PRKD1: variants seen among roughly 807,000 people sequenced by gnomAD.
PRKD1 encodes protein kinase D1, also known as serine/threonine-protein kinase D1.
Under a neutral mutation model 95.9 loss-of-function variants are expected in PRKD1, and 63 were observed. The ratio of observed to expected loss-of-function variants is 0.66; its 90% CI spans 0.54 to 0.81. The LOEUF (loss-of-function observed/expected upper bound fraction) is 0.81, where lower values mean the gene tolerates loss of function less well. PRKD1 is among the 30% of genes least tolerant of loss of function. The pLI, the probability that PRKD1 is intolerant of heterozygous loss-of-function variation, is 0.00. For missense variants in PRKD1, 1,048 were observed against 1,165.3 expected, an observed-to-expected ratio of 0.90 and a Z score of 1.47; for synonymous variants, 425 against 423.1, an observed-to-expected ratio of 1.00 and a Z score of -0.05.
chr14:29,819,145 G>A lies in PRKD1; in HGVS notation c.265-93471C>T, dbSNP rs182091663. Among the ~76,000 whole-genome samples the A allele has an allele frequency of 2.2e-3, 339 of 152,226 alleles. 1 individual carries two copies. The highest frequency in any genetic ancestry group is 7.7e-3 in the African/African-American group (318 of 41,528). Reference sequence around the variant, plus strand: ...CCAAGGCTGTATCCTGTACTGGAAGGAAAAATATAATCTAAAGGAAGTTAT... The same window carrying A: ...CCAAGGCTGTATCCTGTACTGGAAGAAAAAATATAATCTAAAGGAAGTTAT... On this transcript the variant is annotated intron_variant, in intron 1 of 17. Coordinates refer to ENST00000331968, the MANE Select transcript of PRKD1 (RefSeq NM_002742.3).
intron 1 of PRKD1, among the ~76,000 whole-genome samples, chr14:29,871,402 A>T (rs1183759349): frequency 6.6e-6 from 1 of 152,210 alleles, no homozygotes; most frequent in South Asian, 2.1e-4. Flanking sequence ...TTCTGTGATC[A>T]CCATCTGCCA....
At chr14:29,890,202 T>C (rs1156810561) in intron 1 of PRKD1, among the ~76,000 whole-genome samples, 1 of 152,240 alleles carries the variant, frequency 6.6e-6, no homozygotes, top group East Asian at 1.9e-4. Context: ...TGCTAGTTTC[T>C]GGCATGTTCA....
At chr14:29,866,244 T>C (rs1288761671) in intron 1 of PRKD1, among the ~76,000 whole-genome samples, 1 of 152,010 alleles carries the variant, frequency 6.6e-6, no homozygotes, top group East Asian at 1.9e-4. Context: ...ACATCTAACA[T>C]ATCCCTCTCC....
chr14:29,892,107 T>C (rs976327814), intron 1 of PRKD1, among the ~76,000 whole-genome samples: 7 of 152,196 alleles, frequency 4.6e-5, no homozygotes, highest in African/African-American at 1.4e-4. Context: ...TTTTATCACA[T>C]ACTTCTTTGA....
chr14:29,676,176 CG>C (rs1566532172), intron 2 of PRKD1, among the ~76,000 whole-genome samples: 12 of 62,234 alleles, frequency 1.9e-4, no homozygotes, highest in African/African-American at 8.3e-4. Flanking sequence ...TAGTTCATTA[CG>C]TTTTTGTTTT....
intron 2 of PRKD1, among the ~76,000 whole-genome samples, chr14:29,697,099 A>G (rs1015660293): frequency 6.6e-6 from 1 of 151,852 alleles, no homozygotes; most frequent in African/African-American, 2.4e-5. Flanking sequence ...GGCCCAAGAT[A>G]TCACATCTAC....
At chr14:29,688,678 T>A (rs1487283249) in intron 2 of PRKD1, among the ~76,000 whole-genome samples, 1 of 152,054 alleles carries the variant, frequency 6.6e-6, no homozygotes, top group Non-Finnish European at 1.5e-5. Context: ...GTCCCTGTAA[T>A]CCAAGCACTT....
chr14:29,879,319 C>T (rs370095121), intron 1 of PRKD1, among the ~76,000 whole-genome samples: 1 of 152,186 alleles, frequency 6.6e-6, no homozygotes, highest in African/African-American at 2.4e-5. Context: ...TCCTGGGGGC[C>T]GGTCTCTCCC....
chr14:29,922,898 T>TA (rs1175628111), intron 1 of PRKD1, among the ~76,000 whole-genome samples: 1 of 151,674 alleles, frequency 6.6e-6, no homozygotes, highest in East Asian at 1.9e-4. Context: ...AAAATAAAAT[T>TA]AGAGTACTAA....
At chr14:29,630,425 C>A in intron 10 of PRKD1, 1 of 251,388 alleles carries the variant, frequency 4.0e-6, no homozygotes, top group Non-Finnish European at 7.7e-6. Context: ...AGGTGTGAGC[C>A]ACTGAGCCCG....
chr14:29,608,616 A>C (rs1426249531), intron 13 of PRKD1, among the ~76,000 whole-genome samples: 1 of 152,168 alleles, frequency 6.6e-6, no homozygotes, highest in Non-Finnish European at 1.5e-5. Flanking sequence ...CTTACTTATG[A>C]AGATGTTTTA....
Position 29,588,790 on chromosome 14 carries a change from T to TTGTGTG in PRKD1, c.2434+8695_2434+8700dup, listed in dbSNP as rs34773417. 1.1e-3 allele frequency among the ~76,000 whole-genome samples: 158 copies of TTGTGTG among 145,422 alleles called. 1 individual carries two copies. Among genetic ancestry groups the TTGTGTG allele is most frequent in the South Asian group, 4.1e-3 (18 of 4,372 alleles). ...CCTATGCTTTGCATTATTCCTAAAG[T>TTGTGTG]TGTGTGTGTGTGTGTGTGTGTGTGT... On this transcript the variant is annotated intron_variant, in intron 16 of 17. Transcript: ENST00000331968.
At chr14:29,650,190 A>C (rs996530906) in intron 4 of PRKD1, 3 of 151,716 alleles carry the variant, frequency 2.0e-5, no homozygotes, top group African/African-American at 7.3e-5. Flanking sequence ...TCAATGAGCC[A>C]CTCTTGTTGT....
chr14:29,708,932 A>T (rs1039402149), intron 2 of PRKD1, among the ~76,000 whole-genome samples: 2 of 152,072 alleles, frequency 1.3e-5, no homozygotes, highest in East Asian at 1.9e-4. Flanking sequence ...AGATAGCAAA[A>T]TTTTTTATAT....
chr14:29,777,925 A>C (rs1421340838), intron 1 of PRKD1, among the ~76,000 whole-genome samples: 1 of 152,190 alleles, frequency 6.6e-6, no homozygotes, highest in Non-Finnish European at 1.5e-5. Flanking sequence ...GTAAAAGAAC[A>C]GAAATTATAA....
chr14:29,855,794 G>A (rs1046055225), intron 1 of PRKD1, among the ~76,000 whole-genome samples: 1 of 152,086 alleles, frequency 6.6e-6, no homozygotes, highest in African/African-American at 2.4e-5. Flanking sequence ...GGTCTCATGA[G>A]GTCTGATGGT....
intron 1 of PRKD1, among the ~76,000 whole-genome samples, chr14:29,838,266 T>C (rs1014909944): frequency 2.0e-5 from 3 of 152,062 alleles, no homozygotes; most frequent in Non-Finnish European, 4.4e-5. Flanking sequence ...AGAAATCACT[T>C]ATCTTTTTTA....
chr14:29,710,864 A>T (rs1161863698), intron 2 of PRKD1, among the ~76,000 whole-genome samples: 3 of 151,958 alleles, frequency 2.0e-5, no homozygotes, highest in African/African-American at 7.3e-5. Flanking sequence ...GATTACTGAA[A>T]CCCTTGCTAG....
At chr14:29,768,687 C>A (rs557403165) in intron 1 of PRKD1, among the ~76,000 whole-genome samples, 94 of 150,974 alleles carry the variant, frequency 6.2e-4, no homozygotes, top group African/African-American at 2.0e-3. Flanking sequence ...GTTTGTTCTA[C>A]CTCTGGTTCT....
Sources: allele counts gnomAD v4.1 joint callset (sites outside exome capture counted in the v4.1 genomes callset), GRCh38; gene constraint gnomAD v4.1.1; transcripts MANE v1.5; gene names NCBI Gene and HGNC (gene_info 2026-07-23, HGNC 2026-07-21).